ROBO1: variants seen among roughly 807,000 people sequenced by gnomAD.
ROBO1 encodes roundabout guidance receptor 1, also known as roundabout homolog 1.
ROBO1 carries 149 observed loss-of-function variants against 195.9 expected under a neutral mutation model. The ratio of observed to expected loss-of-function variants is 0.76; its 90% confidence interval spans 0.67 to 0.87. The LOEUF (loss-of-function observed/expected upper bound fraction) is 0.87. ROBO1 is among the 40% of genes least tolerant of loss of function. The probability of loss-of-function intolerance (pLI) is 0.00; values close to 1 mark genes in which losing one functional copy is unlikely to be tolerated. For synonymous variants in ROBO1, 816 were observed against 733.2 expected (o/e 1.11, Z -1.82); for missense variants, 1,933 against 2,068.3 (o/e 0.93, Z 1.27).
intron 1 of ROBO1, among the ~76,000 whole-genome samples, chr3:79,685,261 TC>T (rs1947067285): frequency 6.6e-6 from 1 of 152,156 alleles, no homozygotes; most frequent in African/African-American, 2.4e-5. Flanking sequence ...GGGAAACACT[TC>T]CTGCTTGTGC....
chr3:79,735,891 A>C (rs1331847591), intron 1 of ROBO1, among the ~76,000 whole-genome samples: 23 of 151,872 alleles, frequency 1.5e-4, no homozygotes, highest in African/African-American at 4.8e-4. Flanking sequence ...AAAAAACAAA[A>C]AAAAAACAAA....
At chr3:78,839,478 T>TC (rs1362405947) in intron 4 of ROBO1, among the ~76,000 whole-genome samples, 1 of 151,660 alleles carries the variant, frequency 6.6e-6, no homozygotes, top group South Asian at 2.1e-4. Flanking sequence ...TAATTTACTA[T>TC]GATGCTCCAT....
intron 3 of ROBO1, among the ~76,000 whole-genome samples, chr3:79,020,756 A>C (rs1000655347): frequency 6.6e-6 from 1 of 152,178 alleles, no homozygotes; most frequent in Non-Finnish European, 1.5e-5. Flanking sequence ...CCGAATGCTG[A>C]ATAAATGGCA....
intron 1 of ROBO1, among the ~76,000 whole-genome samples, chr3:79,635,191 A>T (rs73849659): frequency 0.016 from 2,422 of 152,292 alleles, 58 homozygotes; most frequent in African/African-American, 0.056. Context: ...TCGCCTTTTC[A>T]TTAGTAACTT....
At chr3:79,667,317 C>A (rs2106874146) in intron 1 of ROBO1, among the ~76,000 whole-genome samples, 1 of 151,924 alleles carries the variant, frequency 6.6e-6, no homozygotes, top group South Asian at 2.1e-4. Context: ...AAACCAAATT[C>A]AGAATAGTAT....
At chr3:79,747,223 G>T (rs1703916683) in intron 1 of ROBO1, among the ~76,000 whole-genome samples, 1 of 152,030 alleles carries the variant, frequency 6.6e-6, no homozygotes, top group Admixed American at 6.6e-5. Flanking sequence ...ATCTTAGAGT[G>T]TGCTCAGTTC....
At chr3:78,971,911 G>A (rs536508296) in intron 3 of ROBO1, among the ~76,000 whole-genome samples, 11 of 152,070 alleles carry the variant, frequency 7.2e-5, no homozygotes, top group Admixed American at 2.0e-4. Flanking sequence ...GATTACAGGC[G>A]CCCGCCACCA....
In ROBO1 at chr3:78,938,752, G is replaced by A. The variant is rs2039960251; in HGVS notation, c.348C>T (p.Arg116=). 3 of 1,613,858 alleles carry A rather than the reference G, an allele frequency of 1.9e-6. 1 individual carries two copies. The highest frequency in any genetic ancestry group is 2.7e-5 in the African/African-American group (2 of 74,910). Residue 116 remains arginine, a synonymous_variant, in exon 4 of 31, where the codon CGC becomes CGT. Coordinates refer to ENST00000464233, the MANE Select transcript of ROBO1 (RefSeq NM_002941.4). The stretch of plus-strand genomic sequence containing the variant: ...CACTCGGCAGCAACATTCGGTGTGA[G>A]CGAGGGTCATCTTTGTCTGTCTCCA... ...ERVETDKDDP[R]SHRMLLPSGS... is the part of the protein sequence containing the mutation.
chr3:79,345,849 G>C (rs977820652), intron 2 of ROBO1, among the ~76,000 whole-genome samples: 8 of 152,092 alleles, frequency 5.3e-5, no homozygotes, highest in African/African-American at 1.9e-4. Flanking sequence ...AAACATGGTG[G>C]CTTTTTCTCT....
At chr3:79,641,070 A>C (rs1945644846) in intron 1 of ROBO1, among the ~76,000 whole-genome samples, 1 of 152,150 alleles carries the variant, frequency 6.6e-6, no homozygotes, top group African/African-American at 2.4e-5. Context: ...TTCCTCCATC[A>C]TATATTTAAG....
At chr3:79,693,954 C>A (rs1947369463) in intron 1 of ROBO1, among the ~76,000 whole-genome samples, 2 of 151,322 alleles carry the variant, frequency 1.3e-5, no homozygotes, top group South Asian at 2.1e-4. Flanking sequence ...AGACTCTTTT[C>A]CAAGTCTAAG....
intron 2 of ROBO1, among the ~76,000 whole-genome samples, chr3:79,428,322 T>C (rs771020090): frequency 9.2e-5 from 14 of 151,966 alleles, no homozygotes; most frequent in Non-Finnish European, 2.1e-4. Flanking sequence ...TAAAAATAAA[T>C]AAAATGGAGA....
intron 3 of ROBO1, among the ~76,000 whole-genome samples, chr3:79,014,838 C>T (rs2077883075): frequency 6.6e-6 from 1 of 152,118 alleles, no homozygotes; most frequent in Non-Finnish European, 1.5e-5. Flanking sequence ...TAAGTATCAC[C>T]TTAACATCTT....
At chr3:78,898,194 G>T (rs1559976463) in intron 4 of ROBO1, among the ~76,000 whole-genome samples, 1 of 147,956 alleles carries the variant, frequency 6.8e-6, no homozygotes, top group Non-Finnish European at 1.5e-5. Flanking sequence ...AAAATAATTA[G>T]CTTTAAATAA....
At chr3:79,404,568 C>T (rs1470299536) in intron 2 of ROBO1, among the ~76,000 whole-genome samples, 1 of 152,050 alleles carries the variant, frequency 6.6e-6, no homozygotes, top group Non-Finnish European at 1.5e-5. Flanking sequence ...AACAAAGTTG[C>T]TTTTATGTGT....
chr3:79,110,170 C>T (rs1230697858), intron 3 of ROBO1, among the ~76,000 whole-genome samples: 1 of 151,978 alleles, frequency 6.6e-6, no homozygotes, highest in East Asian at 1.9e-4. Context: ...TGAGATGATG[C>T]CAAATAATCA....
intron 25 of ROBO1, among the ~76,000 whole-genome samples, chr3:78,629,900 C>G (rs1705074332): frequency 6.6e-6 from 1 of 152,186 alleles, no homozygotes; most frequent in African/African-American, 2.4e-5. Context: ...TGTGTCAGTT[C>G]TCACACGGTA....
At chr3:79,611,430 G>A (rs1307755109) in intron 1 of ROBO1, among the ~76,000 whole-genome samples, 1 of 151,914 alleles carries the variant, frequency 6.6e-6, no homozygotes, top group Non-Finnish European at 1.5e-5. Context: ...TAATGAAAAT[G>A]GTATTTGGAA....
intron 10 of ROBO1, among the ~76,000 whole-genome samples, chr3:78,681,115 C>G (rs991962369): frequency 2.7e-5 from 4 of 150,186 alleles, no homozygotes; most frequent in African/African-American, 9.9e-5. Context: ...TTCTCACTCA[C>G]AGGTGGGAAT....
Sources: allele counts gnomAD v4.1 joint callset (sites outside exome capture counted in the v4.1 genomes callset), GRCh38; gene constraint gnomAD v4.1.1; transcripts MANE v1.5; gene names NCBI Gene and HGNC (gene_info 2026-07-23, HGNC 2026-07-21).